Variants in ZNF438 observed in about 807,000 individuals in gnomAD.
The protein encoded by ZNF438 is zinc finger protein 438.
ZNF438 carries 25 observed loss-of-function variants against 38.0 expected under a neutral mutation model. The observed-to-expected ratio is 0.66, with a 90% CI of 0.48 to 0.92. The LOEUF is 0.92. ZNF438 is among the 40% of genes least tolerant of loss of function. The probability of loss-of-function intolerance (pLI) is 0.00; values close to 1 mark genes in which losing one functional copy is unlikely to be tolerated. For missense variants in ZNF438, 1,007 were observed against 999.6 expected (o/e 1.01, Z -0.10); for synonymous variants, 372 against 364.1 (o/e 1.02, Z -0.25).
intron 3 of ZNF438, among the ~76,000 whole-genome samples, chr10:30,880,447 A>AG (rs2039084152): frequency 1.3e-5 from 2 of 149,298 alleles, no homozygotes; most frequent in Non-Finnish European, 3.0e-5. Context: ...AAAAAAAAAA[A>AG]GAAAAAGAAA....
chr10:30,990,349 A>G (rs1203908690), intron 1 of ZNF438, among the ~76,000 whole-genome samples: 1 of 152,218 alleles, frequency 6.6e-6, no homozygotes, highest in Non-Finnish European at 1.5e-5. Flanking sequence ...GAACAAATAG[A>G]TACAAATAAT....
At chr10:30,883,606 C>T (rs974538435) in intron 3 of ZNF438, among the ~76,000 whole-genome samples, 13 of 152,152 alleles carry the variant, frequency 8.5e-5, no homozygotes, top group Non-Finnish European at 1.0e-4. Flanking sequence ...TGCTGTGGCT[C>T]ACGCCTGTAA....
At chr10:30,850,798 A>G (rs2033473529) in intron 4 of ZNF438, among the ~76,000 whole-genome samples, 1 of 152,150 alleles carries the variant, frequency 6.6e-6, no homozygotes, top group African/African-American at 2.4e-5. Flanking sequence ...TGCTTTCCCT[A>G]TTAAGCTTCA....
chr10:30,919,620 T>C (rs1373521954), intron 2 of ZNF438: 1 of 152,120 alleles, frequency 6.6e-6, no homozygotes, highest in Admixed American at 6.5e-5. Flanking sequence ...TTTTTTATTT[T>C]ATATTTATTT....
chr10:30,880,916 A>C (rs2039154874), intron 3 of ZNF438, among the ~76,000 whole-genome samples: 2 of 152,222 alleles, frequency 1.3e-5, no homozygotes, highest in Non-Finnish European at 2.9e-5. Flanking sequence ...ATTGTATGTG[A>C]TAAAATCCAA....
chr10:30,916,822 T>G (rs1308807185), intron 2 of ZNF438, among the ~76,000 whole-genome samples: 3 of 152,046 alleles, frequency 2.0e-5, no homozygotes, highest in Non-Finnish European at 2.9e-5. Flanking sequence ...GTGGAGTTGC[T>G]TGGTTGATAT....
intron 3 of ZNF438, among the ~76,000 whole-genome samples, chr10:30,896,853 T>TA (rs2041413142): frequency 1.3e-5 from 2 of 152,062 alleles, no homozygotes; most frequent in African/African-American, 2.4e-5. Flanking sequence ...TTTACCACAA[T>TA]AAAAAAAGTA....
rs147974603 is a variant in ZNF438 at position 30,860,431 on chromosome 10, T to C, written c.38-10064A>G. ...GTCATGTAACACAGCTGATTCAATG[T>C]ATATACCTTTTCTCCAATTAATCTG... On this transcript the variant is annotated intron_variant, in intron 4 of 5. Coordinates refer to ENST00000413025, the Ensembl canonical transcript of ZNF438. Among the ~76,000 whole-genome samples, 101 of 152,378 alleles carry C rather than the reference T, an allele frequency of 6.6e-4. 1 individual carries two copies. Among genetic ancestry groups the C allele is most frequent in the Middle Eastern group, 6.8e-3 (2 of 294 alleles).
intron 2 of ZNF438, chr10:30,919,664 C>T (rs1282568628): frequency 6.6e-6 from 1 of 152,076 alleles, no homozygotes; most frequent in Non-Finnish European, 1.5e-5. Context: ...CTTTGTTGCT[C>T]AGGCTGGAGT....
At chr10:30,906,352 AG>A (rs2042583539) in intron 3 of ZNF438, among the ~76,000 whole-genome samples, 1 of 152,040 alleles carries the variant, frequency 6.6e-6, no homozygotes, top group African/African-American at 2.4e-5. Context: ...TTAATTTCTC[AG>A]TTTTATTTCT....
chr10:30,956,977 T>C (rs2048933209), intron 1 of ZNF438, among the ~76,000 whole-genome samples: 2 of 152,316 alleles, frequency 1.3e-5, no homozygotes, highest in East Asian at 3.9e-4. Context: ...TGCTGTTTTT[T>C]ATTATGGCTG....
chr10:30,946,566 T>C (rs2047436524), intron 1 of ZNF438, among the ~76,000 whole-genome samples: 1 of 152,176 alleles, frequency 6.6e-6, no homozygotes, highest in Admixed American at 6.5e-5. Context: ...AAAGAAGACA[T>C]CTATGCAGCC....
In ZNF438 at chr10:30,925,971, T is replaced by C. The variant is rs565137967; in HGVS notation, c.-115+15604A>G. On this transcript the variant is annotated intron_variant, in intron 2 of 5. Transcript: ENST00000413025. ...CTGACATTAAAAAAACTAAAACATATGGTGACTGCTTAGCAGCCAAACAGC... is the reference window on the plus strand; with the variant it reads ...CTGACATTAAAAAAACTAAAACATACGGTGACTGCTTAGCAGCCAAACAGC... Among the ~76,000 whole-genome samples the C allele has an allele frequency of 4.6e-5, 7 of 152,128 alleles. No individual in the cohort carries two copies. The South Asian group carries it at 6.2e-4, about 14-fold the overall frequency.
chr10:30,951,451 G>A (rs894816539), intron 1 of ZNF438, among the ~76,000 whole-genome samples: 5 of 152,082 alleles, frequency 3.3e-5, no homozygotes, highest in Admixed American at 1.3e-4. Context: ...AAAAGAGGAA[G>A]TCAAATTGTA....
intron 1 of ZNF438, among the ~76,000 whole-genome samples, chr10:30,985,067 T>G (rs928966851): frequency 6.6e-6 from 1 of 152,186 alleles, no homozygotes; most frequent in Non-Finnish European, 1.5e-5. Flanking sequence ...GTTGTCAATT[T>G]CGCAACTTGC....
rs192806488 is a variant in ZNF438, at chr10:30,883,993, G to A, written c.-31-6928C>T. ...TATTAAAAGTATGCATCTCTCAGCG[G>A]GGCATTAAAGTGCTACATAATCTTC... On this transcript the variant is annotated intron_variant, in intron 3 of 5. Transcript: ENST00000413025. Among the ~76,000 whole-genome samples the A allele has an allele frequency of 2.3e-3, 356 of 152,196 alleles. 1 individual carries two copies. The highest frequency in any genetic ancestry group is 8.0e-3 in the African/African-American group (333 of 41,520).
In ZNF438 at chr10:30,906,532, C is replaced by A. The variant is rs900765685; in HGVS notation, c.-32+2401G>T. Reference sequence around the variant, plus strand: ...TCATCTACAAATAGAGAACGTTTTTCTTCTGGCTTTCCAATCTGGATGCTT... The same window carrying A: ...TCATCTACAAATAGAGAACGTTTTTATTCTGGCTTTCCAATCTGGATGCTT... On this transcript the variant is annotated intron_variant, in intron 3 of 5. Coordinates refer to ENST00000413025, the Ensembl canonical transcript of ZNF438. 2.0e-5 allele frequency among the ~76,000 whole-genome samples: 3 copies of A among 152,052 alleles called. No individual in the cohort carries two copies. The South Asian group carries it at 6.2e-4, about 31-fold the overall frequency.
At chr10:30,848,060 G>A (rs2032682405) in intron 5 of ZNF438, among the ~76,000 whole-genome samples, 1 of 152,206 alleles carries the variant, frequency 6.6e-6, no homozygotes, top group South Asian at 2.1e-4. Context: ...ATAATACCAG[G>A]AAGCAGTGCT....
Position 30,940,945 on chromosome 10 carries a change from G to A in ZNF438, c.-115+630C>T, listed in dbSNP as rs564578820. Among the ~76,000 whole-genome samples, 20 of 152,032 alleles carry A rather than the reference G, an allele frequency of 1.3e-4. 1 individual carries two copies. The highest frequency in any genetic ancestry group is 8.5e-4 in the Admixed American group (13 of 15,272). ...ACTATATATATATATTAGCTACAAC[G>A]CAAAAGCATTGTTTGGCACTTAGGA... On this transcript the variant is annotated intron_variant, in intron 2 of 5. Coordinates refer to ENST00000413025, the Ensembl canonical transcript of ZNF438.
Sources: allele counts gnomAD v4.1 joint callset (sites outside exome capture counted in the v4.1 genomes callset), GRCh38; gene constraint gnomAD v4.1.1; transcripts MANE v1.5; gene names NCBI Gene and HGNC (gene_info 2026-07-23, HGNC 2026-07-21).